CAMTA1: variants seen among roughly 807,000 people sequenced by gnomAD.
The protein encoded by CAMTA1 is calmodulin binding transcription activator 1, also known as calmodulin-binding transcription activator 1.
In CAMTA1, 27 loss-of-function variants were observed where a neutral mutation model predicts 170.9. The ratio of observed to expected loss-of-function variants is 0.16; its 90% CI spans 0.12 to 0.22. CAMTA1 has a LOEUF of 0.22. Among genes scored for constraint, CAMTA1 ranks in the 10% least tolerant of loss-of-function variants. The pLI is 1.00. For synonymous variants in CAMTA1, 833 were observed against 891.5 expected, an observed-to-expected ratio of 0.93 and a Z score of 1.17; for missense variants, 1,619 against 2,217.2, an observed-to-expected ratio of 0.73 and a Z score of 5.42.
At chr1:7,047,877 A>G (rs1206396586) in intron 3 of CAMTA1, among the ~76,000 whole-genome samples, 1 of 152,090 alleles carries the variant, frequency 6.6e-6, no homozygotes, top group Non-Finnish European at 1.5e-5. Context: ...CCAGCAACAG[A>G]GCTCTGTGAC....
intron 5 of CAMTA1, among the ~76,000 whole-genome samples, chr1:7,459,959 C>T (rs966807264): frequency 6.6e-6 from 1 of 152,250 alleles, no homozygotes; most frequent in Non-Finnish European, 1.5e-5. Context: ...CAGAGCAATC[C>T]TGAGTCCTTC....
chr1:7,005,883 C>T (rs1698933903), intron 3 of CAMTA1, among the ~76,000 whole-genome samples: 1 of 152,204 alleles, frequency 6.6e-6, no homozygotes. Context: ...ATCCAAGTGG[C>T]TCAACAGGGT....
intron 5 of CAMTA1, among the ~76,000 whole-genome samples, chr1:7,438,573 G>C (rs530523065): frequency 6.6e-6 from 1 of 152,230 alleles, no homozygotes; most frequent in African/African-American, 2.4e-5. Context: ...AGGCAGGAGG[G>C]GTCAACTGTA....
intron 11 of CAMTA1, among the ~76,000 whole-genome samples, chr1:7,715,122 A>C (rs912579405): frequency 1.3e-5 from 2 of 152,120 alleles, no homozygotes; most frequent in Non-Finnish European, 2.9e-5. Context: ...GCCACCTCAC[A>C]CAGGATTGTT....
At chr1:6,828,471 T>C (rs1439827290) in intron 3 of CAMTA1, among the ~76,000 whole-genome samples, 3 of 151,946 alleles carry the variant, frequency 2.0e-5, no homozygotes, top group Non-Finnish European at 4.4e-5. Context: ...TTTGTATTTT[T>C]AGTAGAGACA....
intron 3 of CAMTA1, among the ~76,000 whole-genome samples, chr1:6,983,891 A>G (rs1269273792): frequency 7.8e-6 from 1 of 128,436 alleles, no homozygotes; most frequent in African/African-American, 3.0e-5. Context: ...TGGATAGATG[A>G]ATGGGTGGAT....
intron 11 of CAMTA1, among the ~76,000 whole-genome samples, chr1:7,714,060 G>C (rs1161333074): frequency 1.3e-5 from 2 of 152,066 alleles, no homozygotes; most frequent in East Asian, 3.9e-4. Context: ...TTTCCACCAC[G>C]AATTGTGGAA....
chr1:7,031,961 TA>T (rs1702877073), intron 3 of CAMTA1, among the ~76,000 whole-genome samples: 2 of 152,030 alleles, frequency 1.3e-5, no homozygotes, highest in Non-Finnish European at 2.9e-5. Context: ...TTCTCTTATT[TA>T]TTTATTTATT....
At chr1:7,310,607 TC>T in intron 5 of CAMTA1, among the ~76,000 whole-genome samples, 1 of 5,238 alleles carries the variant, frequency 1.9e-4, no homozygotes, top group Admixed American at 1.8e-3. Flanking sequence ...TTCTTTTCTT[TC>T]TTTCTTTCTT....
chr1:7,310,265 T>C (rs1484597581), intron 5 of CAMTA1, among the ~76,000 whole-genome samples: 4 of 152,256 alleles, frequency 2.6e-5, no homozygotes, highest in African/African-American at 9.6e-5. Context: ...TTCTGGCCCC[T>C]GTAATTTCAG....
In CAMTA1 at chr1:7,575,008, A is replaced by G. The variant is rs115345615; in HGVS notation, c.511-65392A>G. ...AGCTCTGGGCTGCTGCTTCATGCACATTCCCTGCCTCTGACGCAGCAGGAT... is the reference window on the plus strand; with the variant it reads ...AGCTCTGGGCTGCTGCTTCATGCACGTTCCCTGCCTCTGACGCAGCAGGAT... On this transcript the variant is annotated intron_variant, in intron 6 of 22. Coordinates refer to ENST00000303635, the MANE Select transcript of CAMTA1 (RefSeq NM_015215.4). 6.0e-3 allele frequency among the ~76,000 whole-genome samples: 907 copies of G among 152,304 alleles called. 9 individuals carry two copies. The highest frequency in any genetic ancestry group is 0.021 in the African/African-American group (867 of 41,552).
At chr1:7,247,204 C>T (rs1029688620) in intron 4 of CAMTA1, among the ~76,000 whole-genome samples, 1 of 152,216 alleles carries the variant, frequency 6.6e-6, no homozygotes, top group African/African-American at 2.4e-5. Flanking sequence ...CACTTAAGTT[C>T]CCTGTGGGAT....
intron 5 of CAMTA1, among the ~76,000 whole-genome samples, chr1:7,352,635 A>G (rs964770404): frequency 1.1e-4 from 17 of 152,136 alleles, no homozygotes; most frequent in African/African-American, 3.9e-4. Context: ...CATGAGCCAC[A>G]TGTCTTCTGG....
At chr1:7,550,936 C>T (rs560467289) in intron 6 of CAMTA1, among the ~76,000 whole-genome samples, 10 of 152,046 alleles carry the variant, frequency 6.6e-5, no homozygotes, top group East Asian at 5.8e-4. Context: ...CCCCTCCCCA[C>T]GAGGAATCTC....
intron 3 of CAMTA1, among the ~76,000 whole-genome samples, chr1:7,058,870 T>TAC (rs903856787): frequency 4.4e-5 from 6 of 137,446 alleles, no homozygotes; most frequent in South Asian, 4.8e-4. Flanking sequence ...CACACACACA[T>TAC]ACACACACAC....
chr1:7,466,440 G>A lies in CAMTA1; in HGVS notation c.439-1390G>A, dbSNP rs951279543. 3.9e-5 allele frequency among the ~76,000 whole-genome samples: 6 copies of A among 152,306 alleles called. No homozygotes were observed. In the East Asian group the frequency reaches 1.2e-3, roughly 29 times the overall value. ...CAGCCAGAATCGCATAGTCCAAAATGATTTCTCTGTCAACTCTGCTAATCA... is the reference window on the plus strand; with the variant it reads ...CAGCCAGAATCGCATAGTCCAAAATAATTTCTCTGTCAACTCTGCTAATCA... On this transcript the variant is annotated intron_variant, in intron 5 of 22. Coordinates refer to ENST00000303635, the MANE Select transcript of CAMTA1 (RefSeq NM_015215.4).
intron 1 of CAMTA1, among the ~76,000 whole-genome samples, chr1:6,799,347 G>T (rs1225564915): frequency 6.6e-6 from 1 of 152,210 alleles, no homozygotes; most frequent in Non-Finnish European, 1.5e-5. Context: ...AGGCTTACAG[G>T]CATGAGCCGC....
chr1:7,225,364 G>T (rs925081520), intron 4 of CAMTA1, among the ~76,000 whole-genome samples: 1 of 152,184 alleles, frequency 6.6e-6, no homozygotes, highest in Non-Finnish European at 1.5e-5. Flanking sequence ...GATTACAGGC[G>T]TGAGCCACCG....
At chr1:7,499,892 T>A (rs62653665) in intron 6 of CAMTA1, among the ~76,000 whole-genome samples, 18,835 of 145,366 alleles carry the variant, frequency 0.13, 2,148 homozygotes, top group East Asian at 0.41. Context: ...CTGGTGTGCA[T>A]GCTTATGTAT....
Sources: allele counts gnomAD v4.1 joint callset (sites outside exome capture counted in the v4.1 genomes callset), GRCh38; gene constraint gnomAD v4.1.1; transcripts MANE v1.5; gene names NCBI Gene and HGNC (gene_info 2026-07-23, HGNC 2026-07-21).